Variants in LRIF1 observed in about 807,000 individuals in gnomAD.
The protein encoded by LRIF1 is ligand-dependent nuclear receptor-interacting factor 1.
Under a neutral mutation model 52.7 loss-of-function variants are expected in LRIF1, and 32 were observed. That is an observed-to-expected ratio of 0.61 (90% CI 0.46 to 0.82). The LOEUF (loss-of-function observed/expected upper bound fraction) is 0.82, where lower values mean the gene tolerates loss of function less well. Among genes scored for constraint, LRIF1 ranks in the 40% least tolerant of loss-of-function variants. The pLI, the probability that LRIF1 is intolerant of heterozygous loss-of-function variation, is 0.00. For missense variants in LRIF1, 887 were observed against 892.0 expected, an observed-to-expected ratio of 0.99 and a Z score of 0.07; for synonymous variants, 323 against 317.4, an observed-to-expected ratio of 1.02 and a Z score of -0.19.
downstream of LRIF1, chr1:110,944,658 C>T (rs1658161739): frequency 6.6e-6 from 1 of 152,084 alleles, no homozygotes; most frequent in Admixed American, 6.5e-5. Context: ...GAAAGTATAT[C>T]AAGGAGAAAA....
chr1:110,946,616 T>C (rs994882876), downstream of LRIF1, among the ~76,000 whole-genome samples: 2 of 152,034 alleles, frequency 1.3e-5, no homozygotes, highest in Admixed American at 1.3e-4. Context: ...AGATTTTTTT[T>C]TTCTTTAACC....
At chr1:110,940,598 G>A in the LRIF1 span, 1 of 152,156 alleles carries the variant, frequency 6.6e-6, no homozygotes, top group Admixed American at 6.5e-5. Flanking sequence ...ATCAACAAAT[G>A]AATGGATAAA....
the LRIF1 span, among the ~76,000 whole-genome samples, chr1:110,887,126 C>G: frequency 4.6e-4 from 69 of 151,598 alleles, no homozygotes; most frequent in Non-Finnish European, 8.7e-4. Context: ...TGCAGTGGCG[C>G]GATCTCGGCT....
downstream of LRIF1, among the ~76,000 whole-genome samples, chr1:110,942,817 T>C (rs1658122498): frequency 6.6e-6 from 1 of 152,126 alleles, no homozygotes; most frequent in Admixed American, 6.6e-5. Flanking sequence ...GTGTTGATTT[T>C]GAGATGCCCA....
the LRIF1 span, among the ~76,000 whole-genome samples, chr1:110,914,021 C>T: frequency 6.6e-6 from 1 of 152,178 alleles, no homozygotes; most frequent in African/African-American, 2.4e-5. Flanking sequence ...GTCCATTATC[C>T]TAAGCAGACT....
the LRIF1 span, among the ~76,000 whole-genome samples, chr1:110,886,869 A>ATATATATATATATTTT: frequency 3.0e-4 from 25 of 82,772 alleles, no homozygotes; most frequent in East Asian, 1.3e-3. Context: ...ATATATATAT[A>ATATATATATATATTTT]TTTTTTTTTT....
chr1:110,947,787 A>C lies in LRIF1; in HGVS notation c.*172T>G, dbSNP rs1658263959. On this transcript the variant is annotated 3_prime_UTR_variant, in exon 4 of 4. Transcript: ENST00000369763. The stretch of plus-strand genomic sequence containing the variant: ...TATAGATACCCCATGTAAATTATTC[A>C]CAAGTCATATGTGAATCAACCTTTT... 6 of 804,452 alleles carry C rather than the reference A, an allele frequency of 7.5e-6. No homozygotes were observed. Among genetic ancestry groups the C allele is most frequent in the Non-Finnish European group, 1.1e-5 (6 of 562,820 alleles). The allele number at this position is 804,452 out of a possible 1,614,324, so 49.8% of individuals were successfully genotyped here.
chr1:110,958,553 T>C (rs1346066402), intron 1 of LRIF1, among the ~76,000 whole-genome samples: 1 of 152,204 alleles, frequency 6.6e-6, no homozygotes, highest in Non-Finnish European at 1.5e-5. Flanking sequence ...CCAAGCATAG[T>C]ATTTTATATG....
At chr1:110,886,870 T>TATATA in the LRIF1 span, among the ~76,000 whole-genome samples, 4 of 35,512 alleles carry the variant, frequency 1.1e-4, no homozygotes, top group African/African-American at 3.3e-4. Flanking sequence ...TATATATATA[T>TATATA]TTTTTTTTTC....
chr1:110,875,866 G>A, the LRIF1 span, among the ~76,000 whole-genome samples: 2 of 152,222 alleles, frequency 1.3e-5, no homozygotes, highest in African/African-American at 4.8e-5. Flanking sequence ...AAAGCCAGTG[G>A]ATGACCACTC....
chr1:110,961,461 A>C (rs942551464), intron 1 of LRIF1, among the ~76,000 whole-genome samples: 1 of 152,198 alleles, frequency 6.6e-6, no homozygotes, highest in African/African-American at 2.4e-5. Flanking sequence ...ATAAAACCCA[A>C]ATCAATATAA....
chr1:110,882,904 TCTTGTTTCTAGCAACCTTGCTACACTTA>T, the LRIF1 span, among the ~76,000 whole-genome samples: 2 of 152,076 alleles, frequency 1.3e-5, no homozygotes, highest in Non-Finnish European at 2.9e-5. Flanking sequence ...GTGGATTGAA[TCTTGTTTCTAGCAACCTTGCTACACTTA>T]CTTGTTAGTT....
chr1:110,947,643 G>C lies in LRIF1; in HGVS notation c.*316C>G. 5.1e-6 allele frequency: 1 copy of C among 194,440 alleles called. No homozygotes were observed. The allele number at this position is 194,440 out of a possible 1,614,324, so 12.0% of individuals were successfully genotyped here. ...GCTGGAATAATGCCTGAGCAATTTAGGTAAAGATACAAACAATAACAAAAA... is the reference window on the plus strand; with the variant it reads ...GCTGGAATAATGCCTGAGCAATTTACGTAAAGATACAAACAATAACAAAAA... On this transcript the variant is annotated 3_prime_UTR_variant, in exon 4 of 4. Coordinates refer to ENST00000369763, the MANE Select transcript of LRIF1 (RefSeq NM_018372.4).
chr1:110,950,441 T>C (rs1225429982), intron 2 of LRIF1, among the ~76,000 whole-genome samples: 1 of 152,196 alleles, frequency 6.6e-6, no homozygotes, highest in Non-Finnish European at 1.5e-5. Flanking sequence ...TTAGAAATTG[T>C]AGTCTTCTGG....
At chr1:110,886,869 A>ATATATATATTTTTT in the LRIF1 span, among the ~76,000 whole-genome samples, 70 of 82,772 alleles carry the variant, frequency 8.5e-4, 1 homozygote, top group South Asian at 1.3e-3. Context: ...ATATATATAT[A>ATATATATATTTTTT]TTTTTTTTTT....
chr1:110,945,011 C>T (rs1658170501), downstream of LRIF1: 1 of 151,884 alleles, frequency 6.6e-6, no homozygotes. Flanking sequence ...ATCTTTCCAC[C>T]TCAGCCTCCC....
At chr1:110,896,930 A>G in the LRIF1 span, among the ~76,000 whole-genome samples, 1 of 152,238 alleles carries the variant, frequency 6.6e-6, no homozygotes, top group Non-Finnish European at 1.5e-5. Context: ...GACTAGAGAC[A>G]CTGTGATTGA....
chr1:110,875,869 G>A, the LRIF1 span, among the ~76,000 whole-genome samples: 1 of 152,190 alleles, frequency 6.6e-6, no homozygotes, highest in South Asian at 2.1e-4. Context: ...GCCAGTGGAT[G>A]ACCACTCAGA....
the LRIF1 span, among the ~76,000 whole-genome samples, chr1:110,928,051 A>C: frequency 6.6e-6 from 1 of 152,160 alleles, no homozygotes; most frequent in Non-Finnish European, 1.5e-5. Context: ...AGTATTATTA[A>C]AACAAAAGTA....
Sources: gnomAD v4.1 joint callset for allele counts (sites outside exome capture counted in the v4.1 genomes callset) on GRCh38, gnomAD v4.1.1 for gene constraint, MANE v1.5 for transcripts, NCBI Gene and HGNC (gene_info 2026-07-23, HGNC 2026-07-21) for gene names.